STX8: variants seen among roughly 807,000 people sequenced by gnomAD.
The protein encoded by STX8 is syntaxin 8.
STX8 carries 23 observed loss-of-function variants against 37.5 expected under a neutral mutation model. The ratio of observed to expected loss-of-function variants is 0.61; its 90% CI spans 0.44 to 0.87. STX8 has a LOEUF of 0.87. STX8 is among the 40% of genes least tolerant of loss of function. The pLI is 0.00. For missense variants in STX8, 313 were observed against 284.7 expected, an observed-to-expected ratio of 1.10 and a Z score of -0.71; for synonymous variants, 115 against 99.1, an observed-to-expected ratio of 1.16 and a Z score of -0.95.
chr17:9,299,859 A>G (rs2142175586), intron 7 of STX8, among the ~76,000 whole-genome samples: 1 of 152,356 alleles, frequency 6.6e-6, no homozygotes, highest in Non-Finnish European at 1.5e-5. Context: ...AATGTAATGT[A>G]AACTCCTTTC....
intron 6 of STX8, among the ~76,000 whole-genome samples, chr17:9,407,431 A>G (rs1252154361): frequency 6.6e-6 from 1 of 152,214 alleles, no homozygotes; most frequent in Non-Finnish European, 1.5e-5. Context: ...AACCACAACC[A>G]AACAATAGAA....
intron 4 of STX8, among the ~76,000 whole-genome samples, chr17:9,520,098 C>T (rs1009514703): frequency 3.3e-5 from 5 of 152,138 alleles, no homozygotes; most frequent in Non-Finnish European, 5.9e-5. Flanking sequence ...CACAGAGCCT[C>T]GGAATATGCC....
intron 6 of STX8, among the ~76,000 whole-genome samples, chr17:9,405,010 CTCTCA>C (rs1319062581): frequency 6.6e-6 from 1 of 152,178 alleles, no homozygotes; most frequent in East Asian, 1.9e-4. Flanking sequence ...TCCACAGTCT[CTCTCA>C]TGATTTTTTT....
At chr17:9,372,229 T>C (rs1222880114) in intron 7 of STX8, among the ~76,000 whole-genome samples, 1 of 152,116 alleles carries the variant, frequency 6.6e-6, no homozygotes, top group Non-Finnish European at 1.5e-5. Flanking sequence ...CCCGTCTTTT[T>C]CTTCTCCTAT....
chr17:9,517,549 C>A (rs1224067307), intron 4 of STX8, among the ~76,000 whole-genome samples: 2 of 152,094 alleles, frequency 1.3e-5, no homozygotes, highest in East Asian at 3.8e-4. Context: ...AAGGCAGAGA[C>A]ATCCAGTGGC....
chr17:9,519,368 T>TA (rs1296343368), intron 4 of STX8, among the ~76,000 whole-genome samples: 4 of 152,068 alleles, frequency 2.6e-5, no homozygotes, highest in African/African-American at 7.3e-5. Flanking sequence ...AGCCATTTTT[T>TA]TTTTTTTGGT....
rs1258740784 is a variant in STX8 at position 9,507,864 on chromosome 17, C to T, written c.324-2702G>A. Among the ~76,000 whole-genome samples, 1 of 152,128 alleles carries T rather than the reference C, an allele frequency of 6.6e-6. No homozygotes were observed. Among genetic ancestry groups the T allele is most frequent in the African/African-American group, 2.4e-5 (1 of 41,422 alleles). ...CACAAAAACTACACTACTATGCCCA[C>T]CTGGAACCAAAGCCAATGCATCCCA... is the stretch of plus-strand genomic sequence containing the variant. On this transcript the variant is annotated intron_variant, in intron 4 of 7. Transcript: ENST00000306357. This position sits in a 1 kb window ranked among gnomAD's most constrained non-coding sequence, Gnocchi z 4.0.
In STX8 at chr17:9,552,619, A is replaced by G. The variant is rs73252148; in HGVS notation, c.212+4815T>C. On this transcript the variant is annotated intron_variant, in intron 3 of 7. Transcript: ENST00000306357. Reference sequence around the variant, plus strand: ...TACTTACCTATCTTTGTTTTTCCAAAAAATAGAGTAGAGAAAATTTATTTA... The same window carrying G: ...TACTTACCTATCTTTGTTTTTCCAAGAAATAGAGTAGAGAAAATTTATTTA... Among the ~76,000 whole-genome samples the G allele has an allele frequency of 1.7e-3, 259 of 152,192 alleles. 2 individuals are homozygous for G. The highest frequency in any genetic ancestry group is 6.0e-3 in the African/African-American group (248 of 41,554).
intron 7 of STX8, among the ~76,000 whole-genome samples, chr17:9,277,364 T>TAGTGAGGGCAGGGTCTCAATG (rs532844540): frequency 7.2e-5 from 11 of 151,986 alleles, no homozygotes; most frequent in African/African-American, 2.2e-4. Flanking sequence ...GGGTGAAGGT[T>TAGTGAGGGCAGGGTCTCAATG]AGTGAGGGCA....
chr17:9,261,218 C>T (rs949342040), intron 7 of STX8, among the ~76,000 whole-genome samples: 6 of 152,120 alleles, frequency 3.9e-5, no homozygotes, highest in Non-Finnish European at 7.4e-5. Flanking sequence ...CTGGTGAGGC[C>T]GCCGCTTGGT....
At chr17:9,513,956 CAG>C (rs1256636942) in intron 4 of STX8, among the ~76,000 whole-genome samples, 7 of 152,112 alleles carry the variant, frequency 4.6e-5, no homozygotes, top group Non-Finnish European at 7.4e-5. Flanking sequence ...TACTCATACG[CAG>C]AAGCTAAAAA....
chr17:9,557,046 GGAAACT>G (rs1907009069), intron 3 of STX8: 1 of 167,634 alleles, frequency 6.0e-6, no homozygotes, highest in Non-Finnish European at 1.3e-5. Context: ...TAAAAACTCT[GGAAACT>G]CCCAGAAGCG....
rs1437114711 is a variant in STX8, at chr17:9,566,751, C to T, written c.117+1620G>A. On this transcript the variant is annotated intron_variant, in intron 2 of 7. Transcript: ENST00000306357. ...GCAGTGAGCCGAGATTGCACCACTG[C>T]ACTCCAGCCTGGGCAACAAGAGCAA... Among the ~76,000 whole-genome samples, 4 of 151,640 alleles carry T rather than the reference C, an allele frequency of 2.6e-5. No individual in the cohort carries two copies. In the South Asian group the frequency reaches 8.3e-4, roughly 31 times the overall value.
At chr17:9,330,176 T>G (rs1380490275) in intron 7 of STX8, among the ~76,000 whole-genome samples, 1 of 152,196 alleles carries the variant, frequency 6.6e-6, no homozygotes, top group Non-Finnish European at 1.5e-5. Context: ...TTTATTTGAA[T>G]TTATCACCTC....
intron 4 of STX8, among the ~76,000 whole-genome samples, chr17:9,535,194 TAATAATTAC>T (rs1440944970): frequency 6.6e-6 from 1 of 151,964 alleles, no homozygotes; most frequent in Non-Finnish European, 1.5e-5. Context: ...TAGTTATATA[TAATAATTAC>T]ATAAAACTCT....
intron 4 of STX8, among the ~76,000 whole-genome samples, chr17:9,522,738 G>GC (rs958978197): frequency 6.6e-6 from 1 of 151,604 alleles, no homozygotes; most frequent in Non-Finnish European, 1.5e-5. Context: ...TATCATACAA[G>GC]CAGTGAGTAG....
Position 9,438,228 on chromosome 17 carries a change from G to T in STX8, c.541+53601C>A, listed in dbSNP as rs1053122461. ...ACTGTACTCCAGCCTGGGTGAGAGT[G>T]AGACTCCATCTCAAAAAAAAAAAAA... is the stretch of plus-strand genomic sequence containing the variant. On this transcript the variant is annotated intron_variant, in intron 6 of 7. Coordinates refer to ENST00000306357, the MANE Select transcript of STX8 (RefSeq NM_004853.3). Among the ~76,000 whole-genome samples, 4 of 129,552 alleles carry T rather than the reference G, an allele frequency of 3.1e-5. No homozygotes were observed. The Admixed American group carries it at 3.4e-4, about 11-fold the overall frequency. 85.0% of individuals were successfully genotyped at this position (129,552 alleles called of 152,430 possible).
intron 4 of STX8, among the ~76,000 whole-genome samples, chr17:9,510,923 G>A (rs1157042091): frequency 6.6e-6 from 1 of 151,940 alleles, no homozygotes; most frequent in African/African-American, 2.4e-5. Context: ...AGAAAAAGGA[G>A]ACATGACAAT....
At chr17:9,270,367 C>A (rs1425936598) in intron 7 of STX8, among the ~76,000 whole-genome samples, 1 of 152,216 alleles carries the variant, frequency 6.6e-6, no homozygotes, top group Non-Finnish European at 1.5e-5. Context: ...CCTCCCTCAG[C>A]CTCCCAAGTA....
Sources: allele counts gnomAD v4.1 joint callset (sites outside exome capture counted in the v4.1 genomes callset), GRCh38; gene constraint gnomAD v4.1.1; non-coding constraint Gnocchi (gnomAD v3.1); transcripts MANE v1.5; gene names NCBI Gene and HGNC (gene_info 2026-07-23, HGNC 2026-07-21).